PZP: variants seen among roughly 807,000 people sequenced by gnomAD.
PZP encodes PZP alpha-2-macroglobulin like.
In PZP, 150 loss-of-function variants were observed where a neutral mutation model predicts 179.8. The ratio of observed to expected loss-of-function variants is 0.83; its 90% CI spans 0.73 to 0.96. The LOEUF (loss-of-function observed/expected upper bound fraction) is 0.96. PZP is among the 40% of genes least tolerant of loss of function. PZP has a pLI of 0.00. For missense variants in PZP, 1,689 were observed against 1,764.0 expected, an observed-to-expected ratio of 0.96 and a Z score of 0.76; for synonymous variants, 624 against 652.3, an observed-to-expected ratio of 0.96 and a Z score of 0.66.
At chr12:9,187,624 T>A (rs762121102) in intron 13 of PZP, among the ~76,000 whole-genome samples, 4 of 152,212 alleles carry the variant, frequency 2.6e-5, no homozygotes, top group Non-Finnish European at 5.9e-5. Context: ...GGAAGTTCTT[T>A]GAAACCAGTA....
At chr12:9,193,979 T>C in intron 11 of PZP, 98 bp downstream of exon 11, 1 of 1,179,958 alleles carries the variant, frequency 8.5e-7, no homozygotes, top group South Asian at 2.1e-5. Flanking sequence ...GATATCTTCT[T>C]ATTTCTTACT....
At chr12:9,172,698 C>T (rs1258354505) in intron 15 of PZP, among the ~76,000 whole-genome samples, 1 of 152,150 alleles carries the variant, frequency 6.6e-6, no homozygotes, top group Admixed American at 6.5e-5. Context: ...ACAAAACAGA[C>T]TTTAAACCAA....
rs549238884 is a variant in PZP at position 9,176,488 on chromosome 12, A to C, written c.1839+4495T>G. On this transcript the variant is annotated intron_variant, in intron 15 of 35. Coordinates refer to ENST00000261336, the MANE Select transcript of PZP (RefSeq NM_002864.3). The stretch of plus-strand genomic sequence containing the variant: ...TTGAAGAAAGAAATAAATAAATAAA[A>C]CGCAGTCCATATTCAAAATAAAAAT... Among the ~76,000 whole-genome samples, 139 of 152,320 alleles carry C rather than the reference A, an allele frequency of 9.1e-4. No individual in the cohort carries two copies. In the Middle Eastern group the frequency reaches 0.017, roughly 19 times the overall value.
intron 5 of PZP, 70 bp downstream of exon 5, chr12:9,201,257 G>A (rs183097734): frequency 2.2e-6 from 3 of 1,380,886 alleles, no homozygotes; most frequent in African/African-American, 1.5e-5. Flanking sequence ...CATCTGTCTA[G>A]AGTATTATCA....
chr12:9,207,703 T>C lies in PZP; in HGVS notation c.83+556A>G, dbSNP rs1017671491. Among the ~76,000 whole-genome samples the C allele has an allele frequency of 2.6e-5, 4 of 152,294 alleles. No homozygotes were observed. In the East Asian group the frequency reaches 5.8e-4, roughly 22 times the overall value. Reference sequence around the variant, plus strand: ...GACAGTTTTCTCTATTAGGAGTTAATGGAGACCACAGTTCTCTAGACACTA... The same window carrying C: ...GACAGTTTTCTCTATTAGGAGTTAACGGAGACCACAGTTCTCTAGACACTA... On this transcript the variant is annotated intron_variant, in intron 1 of 35. Transcript: ENST00000261336.
chr12:9,140,198 T>C, the PZP span, among the ~76,000 whole-genome samples: 1 of 152,218 alleles, frequency 6.6e-6, no homozygotes, highest in Non-Finnish European at 1.5e-5. Context: ...CATGATCCTG[T>C]CAGTTAAAAA....
chr12:9,157,980 T>G (rs10771364), intron 26 of PZP, 139 bp from the exon 27 acceptor site: 541,041 of 696,332 alleles, frequency 0.78, 198,065 homozygotes, highest in Non-Finnish European at 0.81. Context: ...TCTCGACAGG[T>G]TCTTGCTCTG....
At chr12:9,155,758 CAAAATA>C (rs1940705419) in intron 28 of PZP, 2 of 152,490 alleles carry the variant, frequency 1.3e-5, no homozygotes, top group Admixed American at 6.6e-5. Flanking sequence ...AAATCATGGT[CAAAATA>C]AATGAAGATC....
rs1170174572 is a variant in PZP at position 9,181,003 on chromosome 12, C to T, written c.1819G>A (p.Ala607Thr). 6.2e-6 allele frequency: 10 copies of T among 1,613,912 alleles called. No homozygotes were observed. Among genetic ancestry groups the T allele is most frequent in the Non-Finnish European group, 8.5e-6 (10 of 1,179,924 alleles). ...DQSVLLMKPE[A>T]ELSVSSVYNL... ...CTCACTGAGGACACAGAGAGCTCAGCCTCAGGCTTCATGAGCAGCACACTT... is the reference window on the plus strand; with the variant it reads ...CTCACTGAGGACACAGAGAGCTCAGTCTCAGGCTTCATGAGCAGCACACTT... The change falls in exon 15 of 36, where the codon GCT becomes ACT. Residue 607 changes from alanine to threonine, a missense_variant. Around this residue, in one of 3 missense-constraint regions of PZP, gnomAD observed 742 missense variants for 730.5 expected, o/e 1.02. Transcript: ENST00000261336.
intron 22 of PZP, 135 bp from the exon 23 acceptor site, chr12:9,161,251 AT>A: frequency 3.0e-6 from 2 of 661,938 alleles, no homozygotes; most frequent in Admixed American, 6.8e-5. Context: ...CCTTGGGTAA[AT>A]TGTGATGATT....
In PZP at chr12:9,157,198, A is replaced by G. The variant is rs751822558; in HGVS notation, c.3527T>C (p.Leu1176Pro). 1.9e-6 allele frequency: 3 copies of G among 1,613,670 alleles called. No individual in the cohort carries two copies. The highest frequency in any genetic ancestry group is 1.3e-5 in the African/African-American group (1 of 74,904). ...QNQNREILNS[L>P]DKEAVKEDNL... ...ACCTTCTTTCACAGCTTCCTTATCA[A>G]GTGAGTTCAGTATTTCTCTATTCTG... The change falls in exon 28 of 36, where the codon CTT becomes CCT. Residue 1176 changes from leucine to proline, a missense_variant. Physicochemically the swap from Leu to Pro is moderately conservative, Grantham distance 98. Coordinates refer to ENST00000261336, the MANE Select transcript of PZP (RefSeq NM_002864.3).
intron 13 of PZP, among the ~76,000 whole-genome samples, chr12:9,187,107 C>A (rs1037104916): frequency 1.4e-5 from 2 of 143,320 alleles, no homozygotes; most frequent in African/African-American, 2.6e-5. Flanking sequence ...AAGAGAATTG[C>A]ATAATGGTAA....
intron 14 of PZP, 128 bp downstream of exon 14, chr12:9,181,847 A>G (rs1193712197): frequency 7.2e-5 from 75 of 1,041,568 alleles, no homozygotes; most frequent in Non-Finnish European, 9.4e-5. Context: ...TGGGTCTGCC[A>G]TAAACTTGTT....
intron 10 of PZP, among the ~76,000 whole-genome samples, chr12:9,194,735 A>C (rs1395467292): frequency 1.3e-5 from 2 of 152,094 alleles, no homozygotes; most frequent in Non-Finnish European, 2.9e-5. Flanking sequence ...AAGTGCTGGG[A>C]TTACAGGCGT....
At chr12:9,162,093 C>T (rs907182002) in intron 22 of PZP, among the ~76,000 whole-genome samples, 17 of 152,154 alleles carry the variant, frequency 1.1e-4, no homozygotes, top group Admixed American at 8.5e-4. Context: ...CCCCATGTAG[C>T]TGGGACTACA....
At chr12:9,141,205 C>A in the PZP span, among the ~76,000 whole-genome samples, 1 of 152,110 alleles carries the variant, frequency 6.6e-6, no homozygotes, top group Non-Finnish European at 1.5e-5. Context: ...ATATAGGAGT[C>A]TCTTATAACT....
intron 2 of PZP, among the ~76,000 whole-genome samples, chr12:9,203,337 CTTTTTTTTT>C (rs528084441): frequency 8.7e-6 from 1 of 114,588 alleles, no homozygotes; most frequent in African/African-American, 3.2e-5. Flanking sequence ...AACTACATTC[CTTTTTTTTT>C]TTTTTTTTTT....
At chr12:9,167,257 C>T (rs1444669238) in intron 17 of PZP, 5 of 152,204 alleles carry the variant, frequency 3.3e-5, no homozygotes, top group Admixed American at 2.0e-4. Context: ...CCAGTTATTG[C>T]AGTTAACAAA....
At chr12:9,201,860 A>G (rs1944178309) in intron 4 of PZP, among the ~76,000 whole-genome samples, 1 of 152,116 alleles carries the variant, frequency 6.6e-6, no homozygotes, top group South Asian at 2.1e-4. Flanking sequence ...AGTTGAAAAA[A>G]GGGAAATTCA....
Sources: allele counts gnomAD v4.1 joint callset (sites outside exome capture counted in the v4.1 genomes callset), GRCh38; gene constraint gnomAD v4.1.1; regional missense constraint gnomAD v4.1.1; transcripts MANE v1.5; gene names NCBI Gene and HGNC (gene_info 2026-07-23, HGNC 2026-07-21).